GPR155: variants seen among roughly 807,000 people sequenced by gnomAD.
GPR155 encodes G protein-coupled receptor 155.
In GPR155, 65 loss-of-function variants were observed where a neutral mutation model predicts 93.1. The observed-to-expected ratio is 0.70, with a 90% CI of 0.57 to 0.86. The LOEUF (loss-of-function observed/expected upper bound fraction) is 0.86. Ranked by LOEUF, GPR155 falls within the 40% of genes least tolerant of loss-of-function variation. The pLI, the probability that GPR155 is intolerant of heterozygous loss-of-function variation, is 0.00. For missense variants in GPR155, 838 were observed against 1,034.8 expected (o/e 0.81, Z 2.61); for synonymous variants, 319 against 360.1 (o/e 0.89, Z 1.29).
intron 11 of GPR155, among the ~76,000 whole-genome samples, chr2:174,452,765 C>T (rs1284196697): frequency 1.3e-5 from 2 of 152,158 alleles, no homozygotes; most frequent in East Asian, 3.9e-4. Flanking sequence ...CCTGCCTCAG[C>T]CTCCCAAGTA....
At chr2:174,445,813 AAGT>A (rs1206208194) in intron 12 of GPR155, among the ~76,000 whole-genome samples, 1 of 152,178 alleles carries the variant, frequency 6.6e-6, no homozygotes, top group East Asian at 1.9e-4. Context: ...CTATTATATG[AAGT>A]AGTTATGTTA....
intron 11 of GPR155, among the ~76,000 whole-genome samples, chr2:174,448,946 C>G (rs1687238579): frequency 6.6e-6 from 1 of 152,170 alleles, no homozygotes; most frequent in African/African-American, 2.4e-5. Flanking sequence ...ACAGAGTAGA[C>G]AGACAACCTA....
rs1450431172 is a variant in GPR155 at position 174,431,726 on chromosome 2, AT to A, written c.*4389del. ...ATGTGCAGTGGCCTAAAGTAATTTA[AT>A]ATTTTACATGATGAGATATGAAGGG... On this transcript the variant is annotated 3_prime_UTR_variant, in exon 16 of 16. Transcript: ENST00000392552. 1.3e-5 allele frequency: 2 copies of A among 152,220 alleles called. No homozygotes were observed. The highest frequency in any genetic ancestry group is 2.9e-5 in the Non-Finnish European group (2 of 68,042). The allele number at this position is 152,220 out of a possible 1,614,324, so 9.4% of individuals were successfully genotyped here. A position where few individuals can be genotyped will look rare whatever the true frequency, so the allele number is the denominator to read the frequency against.
chr2:174,445,113 G>C lies in GPR155; in HGVS notation c.2077C>G (p.Gln693Glu). 6.2e-7 allele frequency: 1 copy of C among 1,600,206 alleles called. No homozygotes were observed. The highest frequency in any genetic ancestry group is 8.6e-7 in the Non-Finnish European group (1 of 1,167,506). ...AAGTTAAACACGGCACAGAAAAACT[G>C]TAACTCAACATAAAGTCTTCCAGGC... Reference protein sequence around the residue: ...QEPGRLYVELQFFCAVFNFGQ... With the variant: ...QEPGRLYVELEFFCAVFNFGQ... The change falls in exon 13 of 16, where the codon CAG (glutamine) becomes GAG (glutamate). Residue 693 changes from glutamine to glutamate, a missense_variant. By Grantham distance (29) the Gln-to-Glu change is conservative. This residue lies in a region of GPR155 where 29 missense variants were observed against 67.1 expected (regional missense o/e 0.43). Transcript: ENST00000392552.
rs1290585863 is a variant in GPR155 at position 174,440,005 on chromosome 2, T to C, written c.2205A>G (p.Thr735=). 1 of 1,612,056 alleles carries C rather than the reference T, an allele frequency of 6.2e-7. No individual in the cohort carries two copies. Among genetic ancestry groups the C allele is most frequent in the South Asian group, 1.1e-5 (1 of 90,674 alleles). The change falls in exon 15 of 16, where the codon ACA becomes ACG. Residue 735 remains threonine, a synonymous_variant. Coordinates refer to ENST00000392552, the MANE Select transcript of GPR155 (RefSeq NM_152529.7). ...RLEFLWNNKD[T]AENRDSPVSE... is the part of the protein sequence containing the mutation. Reference sequence around the variant, plus strand: ...AAACAGGAGAATCCCTGTTTTCTGCTGTGTCTTTATTGTTCCATAGGAATT... The same window carrying C: ...AAACAGGAGAATCCCTGTTTTCTGCCGTGTCTTTATTGTTCCATAGGAATT...
chr2:174,458,187 A>G lies in GPR155; in HGVS notation c.1771+1691T>C, dbSNP rs373496239. Among the ~76,000 whole-genome samples the G allele has an allele frequency of 6.6e-4, 100 of 152,346 alleles. 1 individual carries two copies. The highest frequency in any genetic ancestry group is 6.8e-3 in the Middle Eastern group (2 of 294). On this transcript the variant is annotated intron_variant, in intron 10 of 15. Transcript: ENST00000392552. ...AGTTAATGCAATGTTAGGCAGAATT[A>G]AAAGTTTCTTTTCTAAGTAAGGACA... is the stretch of plus-strand genomic sequence containing the variant.
intron 2 of GPR155, among the ~76,000 whole-genome samples, chr2:174,476,599 G>C (rs953089449): frequency 1.3e-5 from 2 of 151,842 alleles, no homozygotes. Flanking sequence ...GTGAGACTCT[G>C]TCTCAAAAAA....
At chr2:174,475,200 C>G (rs920758193) in intron 2 of GPR155, among the ~76,000 whole-genome samples, 4 of 136,232 alleles carry the variant, frequency 2.9e-5, no homozygotes. Flanking sequence ...GAGGCTGAGG[C>G]GGGAGAATGG....
At chr2:174,477,769 CTAAT>C (rs565798977) in intron 2 of GPR155, among the ~76,000 whole-genome samples, 49 of 152,088 alleles carry the variant, frequency 3.2e-4, no homozygotes, top group East Asian at 2.7e-3. Context: ...CTTTTAGGTT[CTAAT>C]TAATTAATGC....
intron 11 of GPR155, among the ~76,000 whole-genome samples, chr2:174,450,872 G>A (rs1030466458): frequency 6.6e-6 from 1 of 152,128 alleles, no homozygotes; most frequent in East Asian, 1.9e-4. Flanking sequence ...TGGCATGGGG[G>A]AAGGTTCATA....
rs529539183 is a variant in GPR155 at position 174,435,541 on chromosome 2, G to C, written c.*575C>G. On this transcript the variant is annotated 3_prime_UTR_variant, in exon 16 of 16. Transcript: ENST00000392552. Reference sequence around the variant, plus strand: ...GGCTGGAGTGCAGTGGCACGATCTCGGCTCACAGCAACCTCTGCCTCCCAG... The same window carrying C: ...GGCTGGAGTGCAGTGGCACGATCTCCGCTCACAGCAACCTCTGCCTCCCAG... 1 of 151,768 alleles carries C rather than the reference G, an allele frequency of 6.6e-6. No individual in the cohort carries two copies. Among genetic ancestry groups the C allele is most frequent in the African/African-American group, 2.4e-5 (1 of 41,214 alleles). 9.4% of individuals were successfully genotyped at this position (151,768 alleles called of 1,614,324 possible). A position where few individuals can be genotyped will look rare whatever the true frequency, so the allele number is the denominator to read the frequency against.
At chr2:174,455,438 C>T (rs895845958) in intron 10 of GPR155, among the ~76,000 whole-genome samples, 7 of 152,192 alleles carry the variant, frequency 4.6e-5, no homozygotes, top group South Asian at 2.1e-4. Context: ...TTGGGCATCA[C>T]GGGCACTGCA....
At chr2:174,446,033 G>A (rs749169540) in intron 12 of GPR155, among the ~76,000 whole-genome samples, 14 of 151,834 alleles carry the variant, frequency 9.2e-5, no homozygotes, top group South Asian at 2.1e-4. Flanking sequence ...TGGGCCTGGC[G>A]CAGTGGCTCA....
Position 174,445,153 on chromosome 2 carries a change from C to A in GPR155, c.2037G>T (p.Trp679Cys). 6.3e-7 allele frequency: 1 copy of A among 1,575,406 alleles called. No individual in the cohort carries two copies. Among genetic ancestry groups the A allele is most frequent in the Non-Finnish European group, 8.7e-7 (1 of 1,145,014 alleles). The change falls in exon 13 of 16, where the codon TGG becomes TGT. Residue 679 changes from tryptophan (W) to cysteine (C), a missense_variant. Physicochemically the swap from Trp to Cys is radical, Grantham distance 215. Around this residue, in one of 3 missense-constraint regions of GPR155, gnomAD observed 29 missense variants for 67.1 expected, o/e 0.43. Coordinates refer to ENST00000392552, the MANE Select transcript of GPR155 (RefSeq NM_152529.7). ...GTCTTCCAGGCTCTTGGTTGAATAG[C>A]CACCATAAACAACTGGAAAGATTCT... ...LFANLSSCLW[W>C]LFNQEPGRLY...
chr2:174,471,356 T>C (rs1687991559), intron 3 of GPR155, among the ~76,000 whole-genome samples: 1 of 148,002 alleles, frequency 6.8e-6, no homozygotes, highest in Non-Finnish European at 1.5e-5. Flanking sequence ...ATGCCAGCCA[T>C]TGTACTCCAG....
At chr2:174,473,900 C>T (rs955458538) in intron 2 of GPR155, among the ~76,000 whole-genome samples, 8 of 152,082 alleles carry the variant, frequency 5.3e-5, no homozygotes, top group Non-Finnish European at 5.9e-5. Flanking sequence ...GTTTGGAGGC[C>T]TCTAGGAATT....
rs1686698901 is a variant in GPR155, at chr2:174,433,714, T to A, written c.*2402A>T. On this transcript the variant is annotated 3_prime_UTR_variant, in exon 16 of 16. Transcript: ENST00000392552. The stretch of plus-strand genomic sequence containing the variant: ...ACCATGTGGGGACACAGCAAGAAGG[T>A]ACCATCTATGAGCCAGAAATTTGCC... 1 of 152,178 alleles carries A rather than the reference T, an allele frequency of 6.6e-6. No homozygotes were observed. Among genetic ancestry groups the A allele is most frequent in the Non-Finnish European group, 1.5e-5 (1 of 68,078 alleles). 9.4% of individuals were successfully genotyped at this position (152,178 alleles called of 1,614,324 possible).
intron 14 of GPR155, among the ~76,000 whole-genome samples, chr2:174,440,738 C>A (rs1456596694): frequency 6.6e-6 from 1 of 152,178 alleles, no homozygotes; most frequent in Non-Finnish European, 1.5e-5. Context: ...TTTGAAAACA[C>A]AAGAAGTAGA....
rs748892672 is a variant in GPR155, at chr2:174,465,919, TAA to T, written c.1267-19_1267-18del. The T allele has an allele frequency of 8.5e-7, 1 of 1,179,606 alleles. No homozygotes were observed. The highest frequency in any genetic ancestry group is 1.8e-5 in the Admixed American group (1 of 54,654). 73.1% of individuals were successfully genotyped at this position (1,179,606 alleles called of 1,614,324 possible). On this transcript the variant is annotated intron_variant, in intron 6 of 15. Transcript: ENST00000392552. ...GACAATAGACTAAGGAAAAAATTAT[TAA>T]AAGACTTTGTAAATAGCTAAGAAAA...
Sources: gnomAD v4.1 joint callset for allele counts (sites outside exome capture counted in the v4.1 genomes callset) on GRCh38, gnomAD v4.1.1 for gene constraint, gnomAD v4.1.1 regional missense constraint, MANE v1.5 for transcripts, NCBI Gene and HGNC (gene_info 2026-07-23, HGNC 2026-07-21) for gene names.